The following ATP12A variants were observed in gnomAD, a reference collection of about 807,000 sequenced individuals.
ATP12A encodes the protein potassium-transporting ATPase alpha chain 2.
In ATP12A, 81 loss-of-function variants were observed where a neutral mutation model predicts 111.2. The observed-to-expected ratio is 0.73, with a 90% CI of 0.61 to 0.88. ATP12A has a LOEUF of 0.88. Ranked by LOEUF, ATP12A falls within the 40% of genes least tolerant of loss-of-function variation. The probability of loss-of-function intolerance (pLI) is 0.00; values close to 1 mark genes in which losing one functional copy is unlikely to be tolerated. For synonymous variants in ATP12A, 498 were observed against 499.8 expected, an observed-to-expected ratio of 1.00 and a Z score of 0.05; for missense variants, 1,196 against 1,313.1, an observed-to-expected ratio of 0.91 and a Z score of 1.38.
chr13:24,698,877 A>G (rs1485457238), intron 12 of ATP12A, 27 bp downstream of exon 12: 3 of 1,609,796 alleles, frequency 1.9e-6, no homozygotes, highest in Admixed American at 1.7e-5. Flanking sequence ...GGCCCTGCCC[A>G]TCACCTGGTG....
chr13:24,698,945 A>G (rs550698068), intron 12 of ATP12A, 95 bp downstream of exon 12: 2 of 1,412,122 alleles, frequency 1.4e-6, no homozygotes, highest in Non-Finnish European at 1.9e-6. Flanking sequence ...TGGCCATGGC[A>G]TCCACGTGAA....
Position 24,680,534 on chromosome 13 carries a change from C to G in ATP12A, c.-210C>G. 7.7e-6 allele frequency: 4 copies of G among 517,168 alleles called. No individual in the cohort carries two copies. The allele number at this position is 517,168 out of a possible 1,614,324, so 32.0% of individuals were successfully genotyped here. On this transcript the variant is annotated 5_prime_UTR_variant, in exon 1 of 23. Coordinates refer to ENST00000381946, the MANE Select transcript of ATP12A (RefSeq NM_001676.7). ...GCGGGGACGTGGGCGGGGCGGGCGG[C>G]ATTTAAGGCTGGTGCCACCTCCCCG...
intron 12 of ATP12A, 66 bp downstream of exon 12, chr13:24,698,916 G>A (rs1221660432): frequency 8.3e-6 from 13 of 1,561,926 alleles, no homozygotes; most frequent in Non-Finnish European, 1.1e-5. Flanking sequence ...GCGCCTTGAG[G>A]ACCTGTGACC....
intron 11 of ATP12A, among the ~76,000 whole-genome samples, chr13:24,698,100 C>A (rs1321524895): frequency 6.6e-6 from 1 of 152,012 alleles, no homozygotes; most frequent in Non-Finnish European, 1.5e-5. Context: ...AAGAGCATTC[C>A]TATTAAAATG....
chr13:24,706,652 C>T (rs1203229622), intron 15 of ATP12A, among the ~76,000 whole-genome samples, 189 bp downstream of exon 15: 1 of 152,232 alleles, frequency 6.6e-6, no homozygotes, highest in Non-Finnish European at 1.5e-5. Context: ...GAGACCCCCA[C>T]CACATGTTCC....
At chr13:24,710,750 C>A (rs1875930530) in intron 20 of ATP12A, 42 bp from the exon 21 acceptor site, 1 of 1,607,862 alleles carries the variant, frequency 6.2e-7, no homozygotes, top group Admixed American at 1.7e-5. Context: ...GATCATGAAG[C>A]CACAAGAATC....
intron 19 of ATP12A, 45 bp from the exon 20 acceptor site, chr13:24,710,415 T>C: frequency 6.2e-7 from 1 of 1,605,596 alleles, no homozygotes. Context: ...TCCTAGAAGT[T>C]TTCCTTTAGG....
Position 24,707,095 on chromosome 13 carries a change from G to A in ATP12A, c.2242G>A (p.Ala748Thr). Reference sequence around the variant, plus strand: ...TCTAAAGAAGGCAGACATTGGGATTGCCATGGGGATAGCAGGTTCTGATGC... The same window carrying A: ...TCTAAAGAAGGCAGACATTGGGATTACCATGGGGATAGCAGGTTCTGATGC... ...PALKKADIGIAMGIAGSDAAK... is the reference protein window; with the variant it reads ...PALKKADIGITMGIAGSDAAK... Residue 748 changes from alanine (A) to threonine (T), a missense_variant, in exon 16 of 23, where the codon GCC becomes ACC. Physicochemically the swap from Ala to Thr is moderately conservative, Grantham distance 58 (BLOSUM62 0). This residue lies in a region of ATP12A where 1,126 missense variants were observed against 1,228.5 expected (regional missense o/e 0.92). Transcript: ENST00000381946. The A allele has an allele frequency of 1.2e-6, 2 of 1,614,112 alleles. No homozygotes were observed. The highest frequency in any genetic ancestry group is 1.7e-6 in the Non-Finnish European group (2 of 1,180,016).
chr13:24,690,941 G>T (rs1217604631), intron 7 of ATP12A, 41 bp from the exon 8 acceptor site: 1 of 1,609,708 alleles, frequency 6.2e-7, no homozygotes, highest in East Asian at 2.2e-5. Flanking sequence ...CACCCCTCCT[G>T]GCTGAGGACC....
Position 24,708,948 on chromosome 13 carries a change from AGAAAGAAAGAAAGAAG to A in ATP12A, c.2494-409_2494-394del, listed in dbSNP as rs1299297304. On this transcript the variant is annotated intron_variant, in intron 17 of 22. Transcript: ENST00000381946. ...AAGAAAGAAAGAAAGAAAGAAAGAA[AGAAAGAAAGAAAGAAG>A]GAAAGAGAAAGAGAAATGAATGCAA... Among the ~76,000 whole-genome samples the A allele has an allele frequency of 9.7e-3, 1,391 of 143,360 alleles. 43 individuals are homozygous for A. The highest frequency in any genetic ancestry group is 0.013 in the South Asian group (60 of 4,556). 94.0% of individuals were successfully genotyped at this position (143,360 alleles called of 152,430 possible).
intron 14 of ATP12A, chr13:24,704,318 A>G (rs2137716674): frequency 6.6e-6 from 1 of 152,346 alleles, no homozygotes; most frequent in East Asian, 1.9e-4. Context: ...ATTTTTAATG[A>G]AAGTTGTATA....
intron 11 of ATP12A, 96 bp downstream of exon 11, chr13:24,694,674 C>G: frequency 6.3e-7 from 1 of 1,575,324 alleles, no homozygotes; most frequent in Non-Finnish European, 8.6e-7. Context: ...TGAAGGATAC[C>G]TGGCTTCAAA....
At chr13:24,710,630 G>T in intron 20 of ATP12A, 37 bp downstream of exon 20, 1 of 1,613,534 alleles carries the variant, frequency 6.2e-7, no homozygotes, top group Non-Finnish European at 8.5e-7. Flanking sequence ...GCAGCCCTGG[G>T]CCTGCCGTGC....
chr13:24,690,787 G>T, intron 7 of ATP12A, 66 bp downstream of exon 7: 1 of 1,513,132 alleles, frequency 6.6e-7, no homozygotes, highest in Non-Finnish European at 9.0e-7. Flanking sequence ...GGGCTCTCAG[G>T]TCTGTCCTTT....
chr13:24,688,980 A>G (rs1874768624), intron 4 of ATP12A, among the ~76,000 whole-genome samples: 1 of 152,162 alleles, frequency 6.6e-6, no homozygotes, highest in African/African-American at 2.4e-5. Context: ...CGGTGATGCC[A>G]GGGCATGGGA....
rs1874950857 is a variant in ATP12A at position 24,692,514 on chromosome 13, C to A, written c.1154C>A (p.Thr385Asn). 6.2e-7 allele frequency: 1 copy of A among 1,614,068 alleles called. No homozygotes were observed. Among genetic ancestry groups the A allele is most frequent in the African/African-American group, 1.3e-5 (1 of 74,908 alleles). ...NLEAVETLGS[T>N]SIICSDKTGT... ...GAGGCTGTGGAGACCCTCGGCTCCACCTCCATCATCTGCTCGGACAAGACT... is the reference window on the plus strand; with the variant it reads ...GAGGCTGTGGAGACCCTCGGCTCCAACTCCATCATCTGCTCGGACAAGACT... Residue 385 changes from threonine to asparagine, a missense_variant, in exon 9 of 23, where the codon ACC becomes AAC. This residue lies in a region of ATP12A where 1,126 missense variants were observed against 1,228.5 expected (regional missense o/e 0.92). Transcript: ENST00000381946.
chr13:24,694,072 A>T (rs1381834226), intron 10 of ATP12A, among the ~76,000 whole-genome samples: 3 of 151,956 alleles, frequency 2.0e-5, no homozygotes, highest in African/African-American at 7.3e-5. Flanking sequence ...CACCCTCCAC[A>T]TCCGCTTGTA....
rs1874393402 is a variant in ATP12A at position 24,680,637 on chromosome 13, A to T, written c.-107A>T. On this transcript the variant is annotated 5_prime_UTR_variant, in exon 1 of 23. Transcript: ENST00000381946. ...CCGGTATCTCCACCGCCAACACCTC[A>T]GCCACTGCCACTGCCACAGCCACAC... The T allele has an allele frequency of 1.5e-6, 2 of 1,340,988 alleles. No homozygotes were observed. Among genetic ancestry groups the T allele is most frequent in the Non-Finnish European group, 2.0e-6 (2 of 993,858 alleles). The allele number at this position is 1,340,988 out of a possible 1,614,324, so 83.1% of individuals were successfully genotyped here. A position where few individuals can be genotyped will look rare whatever the true frequency, so the allele number is the denominator to read the frequency against.
chr13:24,708,922 A>AAAGAAAGAAAGG (rs2137722919), intron 17 of ATP12A, among the ~76,000 whole-genome samples: 1 of 133,164 alleles, frequency 7.5e-6, no homozygotes, highest in South Asian at 2.5e-4. Flanking sequence ...AGAAAGAAAG[A>AAAGAAAGAAAGG]AAGAAAGAAA....
Sources: gnomAD v4.1 joint callset for allele counts (sites outside exome capture counted in the v4.1 genomes callset) on GRCh38, gnomAD v4.1.1 for gene constraint, gnomAD v4.1.1 regional missense constraint, MANE v1.5 for transcripts, NCBI Gene and HGNC (gene_info 2026-07-23, HGNC 2026-07-21) for gene names.